Variants in TMEM45A observed in about 807,000 individuals in gnomAD.
TMEM45A encodes the protein transmembrane protein 45A.
TMEM45A carries 25 observed loss-of-function variants against 32.0 expected under a neutral mutation model. The ratio of observed to expected loss-of-function variants is 0.78; its 90% CI spans 0.57 to 1.09. TMEM45A has a LOEUF of 1.09. Among genes scored for constraint, TMEM45A ranks in the 50% least tolerant of loss-of-function variants. The pLI is 0.00. For synonymous variants in TMEM45A, 122 were observed against 114.8 expected (o/e 1.06, Z -0.40); for missense variants, 302 against 325.0 (o/e 0.93, Z 0.54).
chr3:100,521,675 G>A (rs1705439140), intron 1 of TMEM45A, among the ~76,000 whole-genome samples: 1 of 152,186 alleles, frequency 6.6e-6, no homozygotes, highest in Non-Finnish European at 1.5e-5. Flanking sequence ...ATCATTCTGT[G>A]CCAGTTGTGT....
intron 1 of TMEM45A, among the ~76,000 whole-genome samples, chr3:100,551,139 T>G (rs11713258): frequency 0.42 from 63,803 of 150,480 alleles, 13,626 homozygotes; most frequent in Middle Eastern, 0.48. Flanking sequence ...TCAGCCTCCC[T>G]AGTAGCTGGG....
At chr3:100,556,996 T>C (rs774915986) in intron 3 of TMEM45A, 24 bp downstream of exon 3, 1 of 1,609,466 alleles carries the variant, frequency 6.2e-7, no homozygotes, top group Non-Finnish European at 8.5e-7. Context: ...AGTATTTTCA[T>C]GTACCTTTCT....
At chr3:100,555,840 T>A (rs186327656) in intron 2 of TMEM45A, among the ~76,000 whole-genome samples, 29 of 152,358 alleles carry the variant, frequency 1.9e-4, no homozygotes, top group Non-Finnish European at 3.2e-4. Flanking sequence ...GTCTTTGCTA[T>A]GGCATCAAAT....
chr3:100,559,204 A>C (rs1315842543), intron 4 of TMEM45A, among the ~76,000 whole-genome samples: 1 of 152,246 alleles, frequency 6.6e-6, no homozygotes, highest in East Asian at 1.9e-4. Context: ...ATCAGTAAAC[A>C]CACACTTTAT....
chr3:100,558,657 G>T, intron 4 of TMEM45A, 68 bp downstream of exon 4: 1 of 1,537,754 alleles, frequency 6.5e-7, no homozygotes, highest in Non-Finnish European at 8.9e-7. Flanking sequence ...ATTTGATGAG[G>T]CAGTTTGCTC....
At chr3:100,548,640 C>T (rs916470052) in intron 1 of TMEM45A, among the ~76,000 whole-genome samples, 11 of 152,220 alleles carry the variant, frequency 7.2e-5, no homozygotes, top group Non-Finnish European at 1.6e-4. Context: ...ATCTTAACAC[C>T]TCCATAGAAC....
At chr3:100,572,519 G>T (rs1706586234) in intron 5 of TMEM45A, 1 of 150,774 alleles carries the variant, frequency 6.6e-6, no homozygotes, top group Admixed American at 6.6e-5. Context: ...CAGATGAGTA[G>T]GTTGTGAAAA....
At chr3:100,506,024 A>G (rs1047071730) in intron 1 of TMEM45A, among the ~76,000 whole-genome samples, 2 of 152,226 alleles carry the variant, frequency 1.3e-5, no homozygotes, top group African/African-American at 4.8e-5. Flanking sequence ...GGGGCCCTCA[A>G]GGATTCAGCA....
In TMEM45A at chr3:100,555,270, G is replaced by A. The variant is rs1351191772; in HGVS notation, c.59G>A (p.Trp20Ter). The A allele has an allele frequency of 6.2e-7, 1 of 1,613,302 alleles. No homozygotes were observed. Among genetic ancestry groups the A allele is most frequent in the African/African-American group, 1.3e-5 (1 of 74,882 alleles). ...ACCTTCTTTTTTATTATTGGTCTTT[G>A]GTGGTGTACAAAGAGTATTCTGAAG... The part of the protein sequence containing the change: ...PGTFFFIIGL[W>*]WCTKSILKYI... Residue 20 changes from tryptophan (W) to a stop codon, truncating the protein, a stop_gained, in exon 2 of 6, where the codon TGG becomes TAG. Transcript: ENST00000323523. LOFTEE classifies it high-confidence loss of function.
At chr3:100,551,468 C>T (rs1706102012) in intron 1 of TMEM45A, among the ~76,000 whole-genome samples, 1 of 152,188 alleles carries the variant, frequency 6.6e-6, no homozygotes, top group Non-Finnish European at 1.5e-5. Flanking sequence ...TGGTCTCCTT[C>T]AAACGAGAAT....
At chr3:100,539,496 C>T (rs6414395) in intron 1 of TMEM45A, among the ~76,000 whole-genome samples, 58,991 of 104,350 alleles carry the variant, frequency 0.57, 15,274 homozygotes, top group African/African-American at 0.67. Context: ...TATATGTATA[C>T]GTATACGTAT....
chr3:100,538,221 C>G (rs182626690), intron 1 of TMEM45A, among the ~76,000 whole-genome samples: 1 of 152,154 alleles, frequency 6.6e-6, no homozygotes, highest in East Asian at 1.9e-4. Context: ...CCTATCATAT[C>G]CCATCTTTGC....
chr3:100,520,058 C>T (rs1401829071), intron 1 of TMEM45A, among the ~76,000 whole-genome samples: 1 of 151,650 alleles, frequency 6.6e-6, no homozygotes, highest in African/African-American at 2.4e-5. Context: ...AAGGATTAAG[C>T]AGTGAAGAAA....
intron 1 of TMEM45A, among the ~76,000 whole-genome samples, chr3:100,510,925 A>C (rs1174396918): frequency 1.3e-5 from 2 of 152,198 alleles, no homozygotes; most frequent in Non-Finnish European, 2.9e-5. Flanking sequence ...TTTAGAGAAA[A>C]AAGAATAAAA....
intron 1 of TMEM45A, among the ~76,000 whole-genome samples, chr3:100,510,349 G>T (rs1576260504): frequency 6.6e-6 from 1 of 152,314 alleles, no homozygotes; most frequent in East Asian, 1.9e-4. Context: ...GCACCCCCCA[G>T]CAGGGGCAGA....
chr3:100,509,154 T>C (rs200509011), intron 1 of TMEM45A, among the ~76,000 whole-genome samples: 1 of 152,064 alleles, frequency 6.6e-6, no homozygotes, highest in Non-Finnish European at 1.5e-5. Context: ...AAAGAAGACA[T>C]ACGAATGACT....
intron 4 of TMEM45A, among the ~76,000 whole-genome samples, chr3:100,558,932 G>A (rs931375132): frequency 1.3e-5 from 2 of 152,162 alleles, no homozygotes; most frequent in Non-Finnish European, 2.9e-5. Context: ...AGAGCAAACT[G>A]TTATTTATTG....
chr3:100,509,761 G>A (rs534468145), intron 1 of TMEM45A, among the ~76,000 whole-genome samples: 36 of 152,234 alleles, frequency 2.4e-4, no homozygotes, highest in African/African-American at 5.8e-4. Flanking sequence ...GTGGGTGCGC[G>A]CACCGTGCAT....
intron 1 of TMEM45A, among the ~76,000 whole-genome samples, chr3:100,526,156 G>A (rs910088566): frequency 1.3e-5 from 2 of 152,158 alleles, no homozygotes; most frequent in African/African-American, 4.8e-5. Context: ...CATTTAGCCC[G>A]TGTAACTTCC....
Sources: gnomAD v4.1 joint callset for allele counts (sites outside exome capture counted in the v4.1 genomes callset) on GRCh38, gnomAD v4.1.1 for gene constraint, MANE v1.5 for transcripts, NCBI Gene and HGNC (gene_info 2026-07-23, HGNC 2026-07-21) for gene names.